PDZD7: variants seen among roughly 807,000 people sequenced by gnomAD.
PDZD7 encodes the protein PDZ domain-containing protein 7.
In PDZD7, 72 loss-of-function variants were observed where a neutral mutation model predicts 84.7. The ratio of observed to expected loss-of-function variants is 0.85; its 90% CI spans 0.70 to 1.03. The LOEUF is 1.03. Ranked by LOEUF, PDZD7 falls within the 50% of genes least tolerant of loss-of-function variation. The pLI is 0.00. For synonymous variants in PDZD7, 594 were observed against 580.7 expected, an observed-to-expected ratio of 1.02 and a Z score of -0.33; for missense variants, 1,490 against 1,412.9, an observed-to-expected ratio of 1.05 and a Z score of -0.87.
chr10:101,030,494 G>A (rs777334557), intron 1 of PDZD7, 110 bp from the exon 2 acceptor site: 3 of 605,842 alleles, frequency 5.0e-6, no homozygotes, highest in Non-Finnish European at 9.0e-6. Context: ...CATGCCTTAG[G>A]CCCCCCTCCT....
chr10:101,024,081 G>C lies in PDZD7; in HGVS notation c.227-13C>G, dbSNP rs777062918. The C allele has an allele frequency of 5.0e-6, 8 of 1,614,094 alleles. No homozygotes were observed. Among genetic ancestry groups the C allele is most frequent in the Non-Finnish European group, 5.9e-6 (7 of 1,180,050 alleles). Reference sequence around the variant, plus strand: ...TCATCACTGTTGGCTGTGAGGACAGGGATTTAGGGATGCCCCCATGTTCAT... The same window carrying C: ...TCATCACTGTTGGCTGTGAGGACAGCGATTTAGGGATGCCCCCATGTTCAT... On this transcript the variant is annotated splice_polypyrimidine_tract_variant and intron_variant, in intron 2 of 16. Transcript: ENST00000619208.
At chr10:101,023,663 C>T in intron 3 of PDZD7, 53 bp from the exon 4 acceptor site, 1 of 1,594,876 alleles carries the variant, frequency 6.3e-7, no homozygotes, top group South Asian at 1.1e-5. Context: ...GGGGCTGAGC[C>T]TCCCCCATCA....
At chr10:101,014,143 G>T (rs1852503257) in intron 11 of PDZD7, among the ~76,000 whole-genome samples, 1 of 152,008 alleles carries the variant, frequency 6.6e-6, no homozygotes, top group South Asian at 2.1e-4. Flanking sequence ...ACAGGCGTGA[G>T]CCACCGTGCC....
intron 11 of PDZD7, among the ~76,000 whole-genome samples, chr10:101,015,014 G>A (rs1007684016): frequency 6.6e-6 from 1 of 152,228 alleles, no homozygotes. Context: ...CCCAACAGGT[G>A]GGCCCCAGAG....
At chr10:101,022,073 G>A (rs41291480) in intron 5 of PDZD7, 128 bp from the exon 6 acceptor site, 13 of 1,499,240 alleles carry the variant, frequency 8.7e-6, no homozygotes, top group South Asian at 2.3e-5. Flanking sequence ...GGGGCCTCCC[G>A]CCCCCTCCCA....
In PDZD7 at chr10:101,018,810, TC is replaced by T. The variant is rs767650733; in HGVS notation, c.1324+11del. 1.3e-5 allele frequency: 20 copies of T among 1,578,540 alleles called. No individual in the cohort carries two copies. Among genetic ancestry groups the T allele is most frequent in the Admixed American group, 1.8e-5 (1 of 56,986 alleles). On this transcript the variant is annotated intron_variant, in intron 8 of 16. Transcript: ENST00000619208. ...CTGTGGAGGGAGCAGCCGCCACCCA[TC>T]CCCCACGTACCCCACAAGGTCAGAT...
chr10:101,018,233 C>A lies in PDZD7; in HGVS notation c.1388G>T (p.Arg463Leu), dbSNP rs760408643. The change falls in exon 9 of 17, where the codon CGC becomes CTC. Residue 463 changes from arginine (R) to leucine (L), a missense_variant. Arg to Leu is a moderately radical substitution (Grantham distance 102). Transcript: ENST00000619208. ...GSPGEKGALQ[R>L]SKTLMNLFFK... Reference sequence around the variant, plus strand: ...GAAGAGGTTCATCAGCGTCTTGGAGCGCTGCAGGGCACCCTTCTCCCCAGG... The same window carrying A: ...GAAGAGGTTCATCAGCGTCTTGGAGAGCTGCAGGGCACCCTTCTCCCCAGG... 3 of 1,614,188 alleles carry A rather than the reference C, an allele frequency of 1.9e-6. No individual in the cohort carries two copies. The highest frequency in any genetic ancestry group is 2.2e-5 in the East Asian group (1 of 44,890).
At chr10:101,019,311 A>G in intron 7 of PDZD7, 94 bp from the exon 8 acceptor site, 1 of 1,473,484 alleles carries the variant, frequency 6.8e-7, no homozygotes, top group South Asian at 1.3e-5. Flanking sequence ...GGAGGAGGCA[A>G]GGTCAGGCAG....
rs763499172 is a variant in PDZD7 at position 101,022,417 on chromosome 10, T to C, written c.543-32A>G. The C allele has an allele frequency of 1.9e-6, 3 of 1,612,364 alleles. No individual in the cohort carries two copies. In the South Asian group the frequency reaches 3.3e-5, roughly 18 times the overall value. On this transcript the variant is annotated intron_variant, in intron 4 of 16. Transcript: ENST00000619208. ...AACAGCAGGGGGCCCTCAGGTGGGG[T>C]CCTCCATCCACTGCCACCCACCACC... is the stretch of plus-strand genomic sequence containing the variant.
Position 101,018,908 on chromosome 10 carries a change from G to A in PDZD7, c.1238C>T (p.Ser413Phe). ...HPGRRLDSAL[S>F]ESPKTALLLA... Reference sequence around the variant, plus strand: ...CAGCAAAGCCGTCTTGGGAGACTCAGAGAGCGCAGAGTCAAGGCGGCGGCC... The same window carrying A: ...CAGCAAAGCCGTCTTGGGAGACTCAAAGAGCGCAGAGTCAAGGCGGCGGCC... The change falls in exon 8 of 17, where the codon TCT becomes TTT. Residue 413 changes from serine to phenylalanine, a missense_variant. Ser to Phe is a radical substitution (Grantham distance 155). Transcript: ENST00000619208. The A allele has an allele frequency of 6.2e-7, 1 of 1,604,746 alleles. No homozygotes were observed. The highest frequency in any genetic ancestry group is 1.3e-5 in the African/African-American group (1 of 74,982).
rs1329708693 is a variant in PDZD7 at position 101,010,650 on chromosome 10, G to T, written c.2239C>A (p.Arg747=). The change falls in exon 15 of 17, where the codon CGG becomes AGG. Residue 747 remains arginine, a synonymous_variant. Coordinates refer to ENST00000619208, the MANE Select transcript of PDZD7 (RefSeq NM_001195263.2). ...QLPPVAPRPL[R]PNWLLTEPLS... is the part of the protein sequence containing the mutation. ...GGTTCTGTCAGCAGCCAGTTAGGCC[G>T]CAGGGGCCGGGGAGCCACGGGGGGT... is the stretch of plus-strand genomic sequence containing the variant. The T allele has an allele frequency of 1.3e-6, 2 of 1,511,138 alleles. No individual in the cohort carries two copies. Among genetic ancestry groups the T allele is most frequent in the East Asian group, 2.5e-5 (1 of 40,538 alleles). The allele number at this position is 1,511,138 out of a possible 1,614,324, so 93.6% of individuals were successfully genotyped here.
rs1169982951 is a variant in PDZD7, at chr10:101,015,727, G to A, written c.1658C>T (p.Ala553Val). 6.5e-7 allele frequency: 1 copy of A among 1,550,246 alleles called. No individual in the cohort carries two copies. The highest frequency in any genetic ancestry group is 2.0e-5 in the Admixed American group (1 of 50,996). The change falls in exon 11 of 17, where the codon GCC (alanine) becomes GTC (valine). Residue 553 changes from alanine to valine, a missense_variant. Coordinates refer to ENST00000619208, the MANE Select transcript of PDZD7 (RefSeq NM_001195263.2). Reference protein sequence around the residue: ...QLPNVDEQVQAWESRRPLIQD... With the variant: ...QLPNVDEQVQVWESRRPLIQD... ...AATGAGGGGCCGCCGGCTCTCCCAG[G>A]CCTGAACCTGCTCATCCACATTAGG...
chr10:101,022,859 G>A (rs1236158255), intron 4 of PDZD7, among the ~76,000 whole-genome samples: 2 of 151,946 alleles, frequency 1.3e-5, no homozygotes, highest in African/African-American at 4.8e-5. Flanking sequence ...TGCAACTTCC[G>A]CCTCCCAGGT....
Position 101,020,649 on chromosome 10 carries a change from C to T in PDZD7, c.897G>A (p.Glu299=), listed in dbSNP as rs374130858. The T allele has an allele frequency of 2.6e-5, 42 of 1,613,938 alleles. No individual in the cohort carries two copies. The highest frequency in any genetic ancestry group is 3.6e-5 in the Non-Finnish European group (42 of 1,179,972). ...CCAGCCAGCAGTACTCAGAAACCAT[C>T]TCCTTGTAGGCAGGATACCGGCCGG... ...KETGRYPAYK[E]MVSEYCWLDR... Residue 299 remains glutamate (E), a synonymous_variant, in exon 7 of 17, where the codon GAG becomes GAA. Coordinates refer to ENST00000619208, the MANE Select transcript of PDZD7 (RefSeq NM_001195263.2).
intron 11 of PDZD7, among the ~76,000 whole-genome samples, chr10:101,014,627 G>C (rs866790700): frequency 6.6e-6 from 1 of 151,530 alleles, no homozygotes; most frequent in South Asian, 2.1e-4. Context: ...TTGATAACAG[G>C]ATGCATAAAT....
intron 11 of PDZD7, 116 bp from the exon 12 acceptor site, chr10:101,012,374 C>G (rs61871509): frequency 1.1e-6 from 1 of 904,164 alleles, no homozygotes; most frequent in Non-Finnish European, 1.7e-6. Context: ...TCCAGCCCTG[C>G]GTGCCTTGGG....
Position 101,009,312 on chromosome 10 carries a change from G to T in PDZD7, c.2656C>A (p.Pro886Thr). The T allele has an allele frequency of 6.5e-7, 1 of 1,536,044 alleles. No homozygotes were observed. The change falls in exon 16 of 17, where the codon CCC becomes ACC. Residue 886 changes from proline to threonine, a missense_variant. By Grantham distance (38) the Pro-to-Thr change is conservative. Transcript: ENST00000619208. ...AAGATCTTCTCTATCTTCACCATGG[G>T]CTGCACCTTGGACTCAATGCCCCCA... ...ISGGIESKVQ[P>T]MVKIEKIFPG...
chr10:101,030,702 C>A, intron 1 of PDZD7: 1 of 281,378 alleles, frequency 3.6e-6, no homozygotes. Context: ...AGGTGTGAGA[C>A]AAAAGAGAGG....
At chr10:101,014,496 C>T (rs1361506728) in intron 11 of PDZD7, among the ~76,000 whole-genome samples, 2 of 152,158 alleles carry the variant, frequency 1.3e-5, no homozygotes, top group African/African-American at 4.8e-5. Context: ...CCACTGGAGG[C>T]TGGTACACGC....
Sources: allele counts gnomAD v4.1 joint callset (sites outside exome capture counted in the v4.1 genomes callset), GRCh38; gene constraint gnomAD v4.1.1; transcripts MANE v1.5; gene names NCBI Gene and HGNC (gene_info 2026-07-23, HGNC 2026-07-21).